The following MPPED2 variants were observed in gnomAD, a reference collection of about 807,000 sequenced individuals.
MPPED2 encodes metallophosphoesterase domain containing 2.
MPPED2 carries 5 observed loss-of-function variants against 33.0 expected under a neutral mutation model. That is an observed-to-expected ratio of 0.15 (90% CI 0.08 to 0.32). The LOEUF (loss-of-function observed/expected upper bound fraction) is 0.32. Ranked by LOEUF, MPPED2 falls within the 10% of genes least tolerant of loss-of-function variation. MPPED2 has a pLI of 1.00. For missense variants in MPPED2, 275 were observed against 372.1 expected, an observed-to-expected ratio of 0.74 and a Z score of 2.15; for synonymous variants, 136 against 141.9, an observed-to-expected ratio of 0.96 and a Z score of 0.29.
chr11:30,535,902 G>A, intron 3 of MPPED2, 92 bp downstream of exon 3: 1 of 1,072,498 alleles, frequency 9.3e-7, no homozygotes, highest in Middle Eastern at 3.2e-4. Flanking sequence ...GGCTGAGCTG[G>A]CTTCCAAGTG....
chr11:30,483,207 T>G (rs1317115183), intron 4 of MPPED2, among the ~76,000 whole-genome samples: 1 of 152,166 alleles, frequency 6.6e-6, no homozygotes, highest in Non-Finnish European at 1.5e-5. Flanking sequence ...GCCCAACAGG[T>G]AAGTACTTTT....
At chr11:30,408,350 C>G (rs1948022496), downstream of MPPED2, among the ~76,000 whole-genome samples, 1 of 152,200 alleles carries the variant, frequency 6.6e-6, no homozygotes, top group South Asian at 2.1e-4. Flanking sequence ...TTGCTCATCT[C>G]CCAGGCTGGA....
chr11:30,568,118 A>T (rs1360178538), intron 2 of MPPED2, among the ~76,000 whole-genome samples: 1 of 152,212 alleles, frequency 6.6e-6, no homozygotes, highest in Non-Finnish European at 1.5e-5. Flanking sequence ...GAACATTTAG[A>T]TACTGCACTA....
At chr11:30,387,178 C>T (rs2133690443) in exon 7 of MPPED2, 1 of 160,686 alleles carries the variant, frequency 6.2e-6, no homozygotes, top group Non-Finnish European at 1.4e-5. Context: ...CAGTAAAAAA[C>T]AAACGTCTAC....
intron 4 of MPPED2, among the ~76,000 whole-genome samples, chr11:30,484,140 T>C (rs2134139668): frequency 6.6e-6 from 1 of 152,306 alleles, no homozygotes; most frequent in East Asian, 1.9e-4. Context: ...TGATCCATCC[T>C]GTAAACCCAC....
chr11:30,495,124 A>G, intron 4 of MPPED2, 172 bp downstream of exon 4: 2 of 611,886 alleles, frequency 3.3e-6, no homozygotes, highest in Non-Finnish European at 5.8e-6. Context: ...TATCACAATG[A>G]AAACAACAAG....
intron 2 of MPPED2, among the ~76,000 whole-genome samples, chr11:30,554,143 A>G (rs767079995): frequency 1.9e-4 from 29 of 152,180 alleles, no homozygotes; most frequent in Middle Eastern, 3.4e-3. Flanking sequence ...CCTCATGTCA[A>G]TCCCCTACAC....
intron 2 of MPPED2, among the ~76,000 whole-genome samples, chr11:30,552,232 T>G (rs796818423): frequency 2.6e-5 from 4 of 152,298 alleles, no homozygotes; most frequent in African/African-American, 9.6e-5. Context: ...GTTAATCTGG[T>G]CAAACAGGAG....
At chr11:30,403,234 G>A (rs1260889803) in intron 6 of MPPED2, among the ~76,000 whole-genome samples, 3 of 143,244 alleles carry the variant, frequency 2.1e-5, no homozygotes, top group Admixed American at 7.4e-5. Flanking sequence ...GCGACAGAGC[G>A]AGACTCCGTC....
At chr11:30,464,618 T>C (rs896674348) in intron 4 of MPPED2, among the ~76,000 whole-genome samples, 2 of 152,206 alleles carry the variant, frequency 1.3e-5, no homozygotes, top group South Asian at 4.1e-4. Context: ...TTTTGTGCCA[T>C]TGGGCAGAAA....
chr11:30,432,182 A>C (rs1327509886), intron 4 of MPPED2, among the ~76,000 whole-genome samples: 4 of 152,040 alleles, frequency 2.6e-5, no homozygotes, highest in African/African-American at 4.8e-5. Context: ...AAAAAAAAAA[A>C]AATCCAATTT....
intron 4 of MPPED2, among the ~76,000 whole-genome samples, chr11:30,446,082 A>G (rs1949795541): frequency 6.6e-6 from 1 of 152,096 alleles, no homozygotes; most frequent in Admixed American, 6.5e-5. Context: ...CCAGTATTTC[A>G]CTCACTTGGT....
intron 4 of MPPED2, among the ~76,000 whole-genome samples, chr11:30,480,676 G>A (rs1313870827): frequency 1.3e-5 from 2 of 152,080 alleles, no homozygotes; most frequent in African/African-American, 4.8e-5. Context: ...CACAAGTAAT[G>A]AATGCTAAAT....
intron 2 of MPPED2, among the ~76,000 whole-genome samples, chr11:30,564,310 C>A (rs1003897055): frequency 6.6e-6 from 1 of 152,130 alleles, no homozygotes. Flanking sequence ...CCTAGTCATG[C>A]CCAGCTGCAC....
intron 2 of MPPED2, among the ~76,000 whole-genome samples, chr11:30,572,199 C>T (rs1198106703): frequency 6.6e-6 from 1 of 152,054 alleles, no homozygotes; most frequent in Admixed American, 6.5e-5. Context: ...AAGTAGCCAA[C>T]AAACAAATAA....
chr11:30,556,029 T>G (rs1955947449), intron 2 of MPPED2, among the ~76,000 whole-genome samples: 1 of 152,194 alleles, frequency 6.6e-6, no homozygotes, highest in Admixed American at 6.5e-5. Flanking sequence ...AGCTGAAAGT[T>G]AATAGCCTTG....
intron 2 of MPPED2, among the ~76,000 whole-genome samples, chr11:30,550,199 T>C (rs755832824): frequency 5.9e-5 from 9 of 151,962 alleles, no homozygotes; most frequent in Admixed American, 5.3e-4. Flanking sequence ...CTAGGGTGAA[T>C]GGTAGCCTGA....
At chr11:30,390,015 A>C (rs1023584843) in intron 6 of MPPED2, among the ~76,000 whole-genome samples, 2 of 152,218 alleles carry the variant, frequency 1.3e-5, no homozygotes, top group African/African-American at 4.8e-5. Context: ...TATATCATCT[A>C]TTCAAGAATA....
At chr11:30,490,488 A>G (rs937395794) in intron 4 of MPPED2, among the ~76,000 whole-genome samples, 1 of 152,146 alleles carries the variant, frequency 6.6e-6, no homozygotes, top group Non-Finnish European at 1.5e-5. Context: ...CTCCTGAGGT[A>G]AGGGTGCCCC....
Sources: gnomAD v4.1 joint callset for allele counts (sites outside exome capture counted in the v4.1 genomes callset) on GRCh38, gnomAD v4.1.1 for gene constraint, MANE v1.5 for transcripts, NCBI Gene and HGNC (gene_info 2026-07-23, HGNC 2026-07-21) for gene names.